H6PD: variants seen among roughly 807,000 people sequenced by gnomAD.
The protein encoded by H6PD is GDH/6PGL endoplasmic bifunctional protein.
H6PD carries 48 observed loss-of-function variants against 61.2 expected under a neutral mutation model. The observed-to-expected ratio is 0.78, with a 90% CI of 0.62 to 1.00. H6PD has a LOEUF of 1.00. Among genes scored for constraint, H6PD ranks in the 50% least tolerant of loss-of-function variants. The pLI, the probability that H6PD is intolerant of heterozygous loss-of-function variation, is 0.00. For synonymous variants in H6PD, 480 were observed against 457.9 expected (o/e 1.05, Z -0.62); for missense variants, 1,093 against 1,065.0 (o/e 1.03, Z -0.37).
intron 3 of H6PD, among the ~76,000 whole-genome samples, chr1:9,250,640 A>G (rs1641332506): frequency 6.6e-6 from 1 of 152,082 alleles, no homozygotes; most frequent in Non-Finnish European, 1.5e-5. Flanking sequence ...GTGCAACCCT[A>G]GCTGACTCCT....
At chr1:9,247,830 G>T (rs1364016782) in intron 3 of H6PD, among the ~76,000 whole-genome samples, 1 of 109,998 alleles carries the variant, frequency 9.1e-6, no homozygotes, top group Non-Finnish European at 1.8e-5. Context: ...GGACAGCTAA[G>T]GTCCCTTAGC....
intron 1 of H6PD, among the ~76,000 whole-genome samples, chr1:9,238,166 C>T (rs567910413): frequency 2.6e-5 from 4 of 152,178 alleles, no homozygotes; most frequent in African/African-American, 9.6e-5. Flanking sequence ...ACCACGTGGA[C>T]CTGGTGGGGG....
chr1:9,263,471 G>A, intron 4 of H6PD, 38 bp from the exon 5 acceptor site: 2 of 1,605,284 alleles, frequency 1.2e-6, no homozygotes, highest in South Asian at 2.2e-5. Flanking sequence ...GTCCTGGTCT[G>A]TGCCAGAGAG....
chr1:9,257,161 C>T (rs1641546147), intron 3 of H6PD, among the ~76,000 whole-genome samples: 1 of 149,850 alleles, frequency 6.7e-6, no homozygotes, highest in South Asian at 2.1e-4. Context: ...TTTTTTGAGA[C>T]AGGGTCTCAT....
intron 3 of H6PD, among the ~76,000 whole-genome samples, chr1:9,252,671 G>A (rs1641404274): frequency 1.3e-5 from 2 of 152,118 alleles, no homozygotes; most frequent in South Asian, 2.1e-4. Flanking sequence ...TATCTAATTC[G>A]AGAACATTTA....
intron 1 of H6PD, among the ~76,000 whole-genome samples, chr1:9,237,578 C>T (rs1416170754): frequency 6.6e-6 from 1 of 152,162 alleles, no homozygotes; most frequent in African/African-American, 2.4e-5. Flanking sequence ...CTACTCCCTG[C>T]TAAGATGGGG....
At chr1:9,255,871 T>C (rs1026869544) in intron 3 of H6PD, among the ~76,000 whole-genome samples, 5 of 152,230 alleles carry the variant, frequency 3.3e-5, no homozygotes, top group Admixed American at 2.6e-4. Context: ...GGCTTCTTCA[T>C]TGTGCTCTGT....
rs1349982876 is a variant in H6PD, at chr1:9,266,334, G to A, written c.*1465G>A. 1 of 152,298 alleles carries A rather than the reference G, an allele frequency of 6.6e-6. No homozygotes were observed. Among genetic ancestry groups the A allele is most frequent in the Non-Finnish European group, 1.5e-5 (1 of 68,072 alleles). The allele number at this position is 152,298 out of a possible 1,614,324, so 9.4% of individuals were successfully genotyped here. ...TCACTTCACCACGAACTCTCTGCCT[G>A]AGACTGGGGAAGTAAGCGGGTATCT... On this transcript the variant is annotated 3_prime_UTR_variant, in exon 5 of 5. Transcript: ENST00000377403.
At chr1:9,244,892 C>T in intron 1 of H6PD, 33 bp from the exon 2 acceptor site, 1 of 1,608,122 alleles carries the variant, frequency 6.2e-7, no homozygotes, top group Non-Finnish European at 8.5e-7. Context: ...CTGATCCTTC[C>T]TTGTTCCTCG....
At chr1:9,240,508 CGAT>C (rs969715681) in intron 1 of H6PD, among the ~76,000 whole-genome samples, 50 of 152,118 alleles carry the variant, frequency 3.3e-4, no homozygotes, top group Admixed American at 1.6e-3. Flanking sequence ...CCCATTTCCT[CGAT>C]GAGGAAACTG....
chr1:9,256,715 G>T (rs939025498), intron 3 of H6PD, among the ~76,000 whole-genome samples: 3 of 152,200 alleles, frequency 2.0e-5, no homozygotes, highest in Non-Finnish European at 2.9e-5. Flanking sequence ...TTTACAGAAT[G>T]CATGGAAGAG....
At chr1:9,237,236 C>CTCT (rs1419535641) in intron 1 of H6PD, among the ~76,000 whole-genome samples, 1 of 71,084 alleles carries the variant, frequency 1.4e-5, no homozygotes, top group African/African-American at 5.0e-5. Flanking sequence ...TTTGACTTCT[C>CTCT]TTTTTTTTTT....
At chr1:9,262,469 C>T (rs1201978038) in intron 4 of H6PD, 141 bp downstream of exon 4, 2 of 806,260 alleles carry the variant, frequency 2.5e-6, no homozygotes, top group Non-Finnish European at 4.0e-6. Flanking sequence ...GGATGGCATT[C>T]CCCTGTCTCC....
chr1:9,264,595 C>A lies in H6PD; in HGVS notation c.2102C>A (p.Ser701Tyr). The A allele has an allele frequency of 1.2e-6, 2 of 1,613,280 alleles. No homozygotes were observed. Among genetic ancestry groups the A allele is most frequent in the South Asian group, 2.2e-5 (2 of 91,076 alleles). Residue 701 changes from serine to tyrosine, a missense_variant, in exon 5 of 5, where the codon TCC (serine) becomes TAC (tyrosine). Ser to Tyr is a moderately radical substitution (Grantham distance 144). Coordinates refer to ENST00000377403, the MANE Select transcript of H6PD (RefSeq NM_004285.4). ...LGMGADGHTA[S>Y]LFPQSPTGLD... Reference sequence around the variant, plus strand: ...ATGGGTGCCGACGGGCACACAGCCTCCCTCTTCCCACAGTCACCCACTGGC... The same window carrying A: ...ATGGGTGCCGACGGGCACACAGCCTACCTCTTCCCACAGTCACCCACTGGC...
chr1:9,263,233 G>T (rs965587306), intron 4 of H6PD, among the ~76,000 whole-genome samples: 1 of 152,190 alleles, frequency 6.6e-6, no homozygotes, highest in Non-Finnish European at 1.5e-5. Flanking sequence ...GATGCTCTCA[G>T]CCCGGTTCTC....
intron 1 of H6PD, among the ~76,000 whole-genome samples, chr1:9,237,150 G>C (rs149228685): frequency 6.6e-6 from 1 of 151,652 alleles, no homozygotes; most frequent in Admixed American, 6.6e-5. Flanking sequence ...CACATTTTAC[G>C]GGAAGGTTAG....
intron 3 of H6PD, among the ~76,000 whole-genome samples, chr1:9,256,007 G>T (rs574080214): frequency 6.6e-6 from 1 of 152,280 alleles, no homozygotes; most frequent in African/African-American, 2.4e-5. Flanking sequence ...GAACTGCCTG[G>T]GTTTGAAGCT....
intron 1 of H6PD, among the ~76,000 whole-genome samples, chr1:9,237,429 C>T (rs1394239649): frequency 6.6e-6 from 1 of 151,836 alleles, no homozygotes; most frequent in Non-Finnish European, 1.5e-5. Context: ...GACGGGGTTT[C>T]ACCGTGTTGG....
chr1:9,260,427 G>T (rs1164244572), intron 3 of H6PD, among the ~76,000 whole-genome samples: 1 of 150,900 alleles, frequency 6.6e-6, no homozygotes, highest in Non-Finnish European at 1.5e-5. Flanking sequence ...TGTTATGCTG[G>T]TGTTGTTTTG....
Sources: gnomAD v4.1 joint callset for allele counts (sites outside exome capture counted in the v4.1 genomes callset) on GRCh38, gnomAD v4.1.1 for gene constraint, MANE v1.5 for transcripts, NCBI Gene and HGNC (gene_info 2026-07-23, HGNC 2026-07-21) for gene names.